CORIN: variants seen among roughly 807,000 people sequenced by gnomAD.
CORIN encodes corin, serine peptidase, also known as atrial natriuretic peptide-converting enzyme.
Under a neutral mutation model 125.3 loss-of-function variants are expected in CORIN, and 117 were observed. That is an observed-to-expected ratio of 0.93 (90% CI 0.80 to 1.09). The LOEUF (loss-of-function observed/expected upper bound fraction) is 1.09, where lower values mean the gene tolerates loss of function less well. Ranked by LOEUF, CORIN falls within the 50% of genes least tolerant of loss-of-function variation. The pLI is 0.00. For synonymous variants in CORIN, 450 were observed against 466.4 expected, an observed-to-expected ratio of 0.96 and a Z score of 0.45; for missense variants, 1,253 against 1,306.7, an observed-to-expected ratio of 0.96 and a Z score of 0.63.
chr4:47,742,911 G>A (rs1359703310), intron 5 of CORIN, among the ~76,000 whole-genome samples: 8 of 151,990 alleles, frequency 5.3e-5, no homozygotes, highest in East Asian at 1.9e-4. Context: ...GTCAATTAGA[G>A]GGTTCAAAAA....
At chr4:47,691,407 A>G (rs1725762892) in intron 6 of CORIN, among the ~76,000 whole-genome samples, 1 of 152,200 alleles carries the variant, frequency 6.6e-6, no homozygotes, top group Non-Finnish European at 1.5e-5. Flanking sequence ...CACAGCCTAC[A>G]AAAATGTTTT....
Position 47,608,981 on chromosome 4 carries a change from C to A in CORIN, c.2541-5313G>T, listed in dbSNP as rs147462692. 2.2e-3 allele frequency among the ~76,000 whole-genome samples: 335 copies of A among 149,410 alleles called. 3 individuals carry two copies. The highest frequency in any genetic ancestry group is 7.9e-3 in the African/African-American group (323 of 40,824). On this transcript the variant is annotated intron_variant, in intron 19 of 21. Transcript: ENST00000273857. ...CCTTCTCTCACCCTCTCTGACTTTG[C>A]TTAGAATATCTTATATTTAATATTT...
intron 3 of CORIN, among the ~76,000 whole-genome samples, chr4:47,786,487 G>C (rs1211442991): frequency 6.6e-6 from 1 of 152,082 alleles, no homozygotes. Flanking sequence ...GTTGCAGTGA[G>C]GTCAGATTGC....
At chr4:47,666,133 C>G (rs1724466874) in intron 10 of CORIN, among the ~76,000 whole-genome samples, 1 of 152,190 alleles carries the variant, frequency 6.6e-6, no homozygotes, top group Admixed American at 6.5e-5. Flanking sequence ...AGACTCAGCA[C>G]AAATACCTCT....
At chr4:47,653,784 G>A (rs949289727) in intron 12 of CORIN, 124 bp from the exon 13 acceptor site, 5 of 751,532 alleles carry the variant, frequency 6.7e-6, no homozygotes, top group African/African-American at 3.5e-5. Flanking sequence ...CTTGCAAAAC[G>A]AAATAGCCAT....
intron 8 of CORIN, 41 bp from the exon 9 acceptor site, chr4:47,678,095 C>A (rs1380687365): frequency 7.2e-7 from 1 of 1,383,378 alleles, no homozygotes; most frequent in South Asian, 1.2e-5. Context: ...TTTATTAATT[C>A]TTCTCTCTCA....
intron 5 of CORIN, among the ~76,000 whole-genome samples, chr4:47,695,717 A>G (rs1725962820): frequency 3.9e-5 from 6 of 152,214 alleles, no homozygotes; most frequent in Admixed American, 3.9e-4. Context: ...ATAAAACTAG[A>G]ATAACTTTTG....
intron 10 of CORIN, among the ~76,000 whole-genome samples, chr4:47,666,723 C>G (rs1424386867): frequency 6.6e-6 from 1 of 152,102 alleles, no homozygotes; most frequent in Non-Finnish European, 1.5e-5. Context: ...TGAGGAAACG[C>G]AAGAGGGCAA....
chr4:47,652,350 T>C (rs1267721572), intron 13 of CORIN, among the ~76,000 whole-genome samples: 3 of 152,226 alleles, frequency 2.0e-5, no homozygotes, highest in Non-Finnish European at 2.9e-5. Context: ...GGGCAATGTT[T>C]ACCACCTAAA....
chr4:47,711,081 G>A (rs1726818615), intron 5 of CORIN, among the ~76,000 whole-genome samples: 1 of 152,174 alleles, frequency 6.6e-6, no homozygotes, highest in South Asian at 2.1e-4. Context: ...ATGAAAGCTT[G>A]AGAGAAGTCC....
At position 47,632,776 on chromosome 4, in the gene CORIN, G is replaced by A. The variant is rs557562572; in HGVS notation, c.2199-6255C>T. 6.1e-3 allele frequency among the ~76,000 whole-genome samples: 750 copies of A among 122,492 alleles called. 4 individuals are homozygous for A. Among genetic ancestry groups the A allele is most frequent in the Non-Finnish European group, 8.5e-3 (488 of 57,376 alleles). 80.4% of individuals were successfully genotyped at this position (122,492 alleles called of 152,430 possible). A position where few individuals can be genotyped will look rare whatever the true frequency, so the allele number is the denominator to read the frequency against. On this transcript the variant is annotated intron_variant, in intron 16 of 21. Transcript: ENST00000273857. The stretch of plus-strand genomic sequence containing the variant: ...ATAGATAGATAGATAGAGATAGATA[G>A]TTAGATAGATTTTTTTTTTTTGAGA...
chr4:47,643,915 A>T (rs1723349512), intron 14 of CORIN, among the ~76,000 whole-genome samples: 1 of 152,198 alleles, frequency 6.6e-6, no homozygotes, highest in South Asian at 2.1e-4. Flanking sequence ...GAATACAATT[A>T]GTAGTCCAGG....
rs761165216 is a variant in CORIN at position 47,744,581 on chromosome 4, T to C, written c.620A>G (p.His207Arg). 9.0e-6 allele frequency: 14 copies of C among 1,552,032 alleles called. No individual in the cohort carries two copies. The South Asian group carries it at 1.6e-4, about 18-fold the overall frequency. The change falls in exon 5 of 22, where the codon CAT (histidine) becomes CGT (arginine). Residue 207 changes from histidine to arginine, a missense_variant and splice_region_variant. By Grantham distance (29) the His-to-Arg change is conservative (BLOSUM62 0). Coordinates refer to ENST00000273857, the MANE Select transcript of CORIN (RefSeq NM_006587.4). ...GAAGGACCTACAGGGCAGGAGTCCA[T>C]GACTAAAAAAAAAAAAAGAGAAAGG... The part of the protein sequence containing the change: ...PECIIDGDDS[H>R]GLLPCRSFCE...
intron 1 of CORIN, 103 bp downstream of exon 1, chr4:47,837,784 G>T (rs1237049003): frequency 2.9e-6 from 3 of 1,017,462 alleles, no homozygotes; most frequent in African/African-American, 3.1e-5. Context: ...AGGTGGCATC[G>T]GGCGGAGGAG....
At chr4:47,805,384 A>G (rs1361186114) in intron 2 of CORIN, among the ~76,000 whole-genome samples, 1 of 152,114 alleles carries the variant, frequency 6.6e-6, no homozygotes, top group Non-Finnish European at 1.5e-5. Context: ...CAAGCCAGAA[A>G]TCCAGGAGTC....
intron 1 of CORIN, among the ~76,000 whole-genome samples, chr4:47,812,564 T>C (rs1213978133): frequency 1.3e-5 from 2 of 152,108 alleles, no homozygotes; most frequent in South Asian, 4.1e-4. Flanking sequence ...AGCACTAGTT[T>C]CAGAAACATT....
intron 3 of CORIN, among the ~76,000 whole-genome samples, chr4:47,771,140 G>GA (rs937768303): frequency 1.2e-4 from 19 of 152,046 alleles, no homozygotes; most frequent in African/African-American, 3.9e-4. Flanking sequence ...TTTGCATTGG[G>GA]AAAAAATGGG....
At chr4:47,728,943 G>GA (rs1727727790) in intron 5 of CORIN, among the ~76,000 whole-genome samples, 1 of 152,174 alleles carries the variant, frequency 6.6e-6, no homozygotes, top group Admixed American at 6.5e-5. Flanking sequence ...TCTGTTTTAG[G>GA]AACCACTGTG....
Position 47,600,357 on chromosome 4 carries a change from TA to T in CORIN, c.2813-11del, listed in dbSNP as rs1374848293. 9 of 1,604,106 alleles carry T rather than the reference TA, an allele frequency of 5.6e-6. No homozygotes were observed. Among genetic ancestry groups the T allele is most frequent in the African/African-American group, 1.3e-5 (1 of 74,598 alleles). On this transcript the variant is annotated splice_polypyrimidine_tract_variant and intron_variant, in intron 20 of 21. Coordinates refer to ENST00000273857, the MANE Select transcript of CORIN (RefSeq NM_006587.4). The stretch of plus-strand genomic sequence containing the variant: ...TGCAGCTTAAATGGCACTGAATTTT[TA>T]AAAAATAAGAATATATATATGATGA...
Sources: allele counts gnomAD v4.1 joint callset (sites outside exome capture counted in the v4.1 genomes callset), GRCh38; gene constraint gnomAD v4.1.1; transcripts MANE v1.5; gene names NCBI Gene and HGNC (gene_info 2026-07-23, HGNC 2026-07-21).